The following ARHGAP42 variants were observed in gnomAD, a reference collection of about 807,000 sequenced individuals.
ARHGAP42 encodes the protein Rho GTPase activating protein 42.
Under a neutral mutation model 125.0 loss-of-function variants are expected in ARHGAP42, and 63 were observed. The ratio of observed to expected loss-of-function variants is 0.50; its 90% CI spans 0.41 to 0.62. The LOEUF is 0.62. Ranked by LOEUF, ARHGAP42 falls within the 20% of genes least tolerant of loss-of-function variation. The pLI is 0.00. For missense variants in ARHGAP42, 766 were observed against 1,024.2 expected (o/e 0.75, Z 3.44); for synonymous variants, 339 against 351.0 (o/e 0.97, Z 0.38).
At position 100,699,680 on chromosome 11, in the gene ARHGAP42, G is replaced by A. The variant is rs537457956; in HGVS notation, c.154+11848G>A. 7.9e-5 allele frequency among the ~76,000 whole-genome samples: 12 copies of A among 150,990 alleles called. No individual in the cohort carries two copies. In the South Asian group the frequency reaches 2.3e-3, roughly 29 times the overall value. ...TGGGATTACAGAGGTGCGCCACCAC[G>A]CCCAGCAAATTTTTGTATTTTTAGT... is the stretch of plus-strand genomic sequence containing the variant. On this transcript the variant is annotated intron_variant, in intron 1 of 23. Coordinates refer to ENST00000298815, the MANE Select transcript of ARHGAP42 (RefSeq NM_152432.4).
chr11:100,864,173 C>T (rs1261053898), intron 4 of ARHGAP42, among the ~76,000 whole-genome samples: 1 of 151,512 alleles, frequency 6.6e-6, no homozygotes, highest in Non-Finnish European at 1.5e-5. Context: ...ATAGATAGAG[C>T]TCTATGTCTG....
intron 3 of ARHGAP42, among the ~76,000 whole-genome samples, chr11:100,847,976 A>G: frequency 6.6e-6 from 1 of 152,092 alleles, no homozygotes; most frequent in East Asian, 1.9e-4. Context: ...TTATCTTGAA[A>G]TGTAAGATTA....
intron 6 of ARHGAP42, 103 bp from the exon 7 acceptor site, chr11:100,933,053 A>T: frequency 2.7e-6 from 2 of 747,988 alleles, no homozygotes; most frequent in South Asian, 2.2e-5. Context: ...AAAATGTATT[A>T]GTTTGAGGAA....
chr11:100,825,499 A>G (rs4754702), intron 3 of ARHGAP42, among the ~76,000 whole-genome samples: 35,560 of 152,184 alleles, frequency 0.23, 4,293 homozygotes, highest in Non-Finnish European at 0.26. Context: ...TTATTATACC[A>G]GAATAAGCAC....
intron 4 of ARHGAP42, among the ~76,000 whole-genome samples, chr11:100,888,406 G>T (rs1259690502): frequency 6.6e-6 from 1 of 152,126 alleles, no homozygotes; most frequent in Non-Finnish European, 1.5e-5. Flanking sequence ...GCATGGGGAA[G>T]AATGGATTAG....
At chr11:100,848,074 T>C (rs1865111929) in intron 3 of ARHGAP42, among the ~76,000 whole-genome samples, 1 of 152,160 alleles carries the variant, frequency 6.6e-6, no homozygotes, top group Non-Finnish European at 1.5e-5. Context: ...AGATAACACC[T>C]AGGTGCTCTC....
In ARHGAP42 at chr11:100,879,332, G is replaced by A. The variant is rs1056576053; in HGVS notation, c.384+19707G>A. ...TTTTGAAGTACTGAGTGACTAGAAAGATAACAGAATGGTTAAATAATCTGT... is the reference window on the plus strand; with the variant it reads ...TTTTGAAGTACTGAGTGACTAGAAAAATAACAGAATGGTTAAATAATCTGT... On this transcript the variant is annotated intron_variant, in intron 4 of 23. Coordinates refer to ENST00000298815, the MANE Select transcript of ARHGAP42 (RefSeq NM_152432.4). Among the ~76,000 whole-genome samples the A allele has an allele frequency of 2.0e-5, 3 of 152,134 alleles. No homozygotes were observed. In the South Asian group the frequency reaches 6.2e-4, roughly 31 times the overall value.
At chr11:100,977,009 G>T in intron 21 of ARHGAP42, 38 bp downstream of exon 21, 3 of 1,548,280 alleles carry the variant, frequency 1.9e-6, no homozygotes, top group Non-Finnish European at 2.6e-6. Flanking sequence ...GTCTCCCAGG[G>T]ATACAGAGAG....
intron 6 of ARHGAP42, among the ~76,000 whole-genome samples, chr11:100,927,234 C>T (rs1867451953): frequency 6.6e-6 from 1 of 152,080 alleles, no homozygotes; most frequent in South Asian, 2.1e-4. Context: ...AAAAGTCCAT[C>T]AGCTAGTATA....
Position 100,936,334 on chromosome 11 carries a change from T to A in ARHGAP42, c.832+2T>A. The A allele has an allele frequency of 1.3e-6, 2 of 1,551,432 alleles. No homozygotes were observed. The highest frequency in any genetic ancestry group is 1.7e-6 in the Non-Finnish European group (2 of 1,146,830). ...GCTATCTGTATGTCCAGGAGAAACG[T>A]GAGTCACAAAGACATAATTTCACGT... On this transcript the variant is annotated splice_donor_variant, in intron 8 of 23. Coordinates refer to ENST00000298815, the MANE Select transcript of ARHGAP42 (RefSeq NM_152432.4). LOFTEE classifies it high-confidence loss of function.
intron 9 of ARHGAP42, 55 bp downstream of exon 9, chr11:100,941,939 G>A: frequency 7.9e-7 from 1 of 1,266,686 alleles, no homozygotes; most frequent in South Asian, 1.4e-5. Context: ...TTTAAGTAAT[G>A]GAATTAAAAC....
intron 3 of ARHGAP42, among the ~76,000 whole-genome samples, chr11:100,808,856 A>G (rs1014917930): frequency 7.2e-5 from 11 of 152,214 alleles, no homozygotes; most frequent in African/African-American, 1.2e-4. Context: ...TTATTCATAA[A>G]TGTTCCCTTT....
chr11:100,727,658 G>A (rs569887956), intron 1 of ARHGAP42, among the ~76,000 whole-genome samples: 1 of 152,184 alleles, frequency 6.6e-6, no homozygotes, highest in Non-Finnish European at 1.5e-5. Flanking sequence ...GCACATCCAC[G>A]TGCTGGGAGG....
At position 100,992,327 on chromosome 11, in the gene ARHGAP42, G is replaced by C. The variant is rs375608903; in HGVS notation, c.*3526G>C. The stretch of plus-strand genomic sequence containing the variant: ...TGTTAGCATGACCTCACATCACTGC[G>C]TAGGACCCGGAAATCACATCTCCTG... On this transcript the variant is annotated 3_prime_UTR_variant, in exon 24 of 24. Transcript: ENST00000298815. 1 of 1,608,758 alleles carries C rather than the reference G, an allele frequency of 6.2e-7. No homozygotes were observed. The highest frequency in any genetic ancestry group is 1.3e-5 in the African/African-American group (1 of 74,738).
At chr11:100,766,165 T>C (rs1366954019) in intron 1 of ARHGAP42, among the ~76,000 whole-genome samples, 2 of 152,018 alleles carry the variant, frequency 1.3e-5, no homozygotes, top group Non-Finnish European at 2.9e-5. Flanking sequence ...ATGATGTGAA[T>C]GCATGTGAAG....
intron 3 of ARHGAP42, among the ~76,000 whole-genome samples, chr11:100,800,063 A>C (rs892500863): frequency 6.6e-5 from 10 of 152,222 alleles, no homozygotes; most frequent in African/African-American, 2.4e-4. Flanking sequence ...TAGCCATCAT[A>C]AGTCTGTTAA....
At chr11:100,829,813 A>G (rs1864623493) in intron 3 of ARHGAP42, among the ~76,000 whole-genome samples, 1 of 152,226 alleles carries the variant, frequency 6.6e-6, no homozygotes. Flanking sequence ...TATAAATCAC[A>G]TGAGCAAAAT....
chr11:100,850,923 TCAGGCTTGAGTGCAGTGG>T (rs1865190921), intron 3 of ARHGAP42, among the ~76,000 whole-genome samples: 1 of 131,050 alleles, frequency 7.6e-6, no homozygotes, highest in Non-Finnish European at 1.6e-5. Flanking sequence ...GCTCTGTCAC[TCAGGCTTGAGTGCAGTGG>T]CAGGATCTCA....
At chr11:100,861,818 C>T (rs894919612) in intron 4 of ARHGAP42, among the ~76,000 whole-genome samples, 25 of 152,076 alleles carry the variant, frequency 1.6e-4, no homozygotes, top group Admixed American at 3.9e-4. Context: ...GGTGTGTATT[C>T]GGATCTGAAT....
Sources: gnomAD v4.1 joint callset for allele counts (sites outside exome capture counted in the v4.1 genomes callset) on GRCh38, gnomAD v4.1.1 for gene constraint, MANE v1.5 for transcripts, NCBI Gene and HGNC (gene_info 2026-07-23, HGNC 2026-07-21) for gene names.